Variants in ASIC2 observed in about 807,000 individuals in gnomAD.
ASIC2 encodes acid sensing ion channel subunit 2.
A neutral mutation model predicts 57.3 loss-of-function variants in ASIC2; 25 were observed. That is an observed-to-expected ratio of 0.44 (90% CI 0.32 to 0.61). The LOEUF is 0.61. ASIC2 is among the 20% of genes least tolerant of loss of function. The probability of loss-of-function intolerance (pLI) is 0.06; values close to 1 mark genes in which losing one functional copy is unlikely to be tolerated. For synonymous variants in ASIC2, 319 were observed against 307.5 expected (o/e 1.04, Z -0.39); for missense variants, 641 against 738.1 (o/e 0.87, Z 1.52).
At chr17:33,750,262 T>C (rs1910387139) in intron 1 of ASIC2, among the ~76,000 whole-genome samples, 1 of 152,176 alleles carries the variant, frequency 6.6e-6, no homozygotes, top group Non-Finnish European at 1.5e-5. Flanking sequence ...TCCAGGACCC[T>C]GGGCAACCCC....
chr17:33,219,294 C>A (rs72819154), intron 1 of ASIC2, among the ~76,000 whole-genome samples: 9 of 152,278 alleles, frequency 5.9e-5, no homozygotes, highest in Non-Finnish European at 1.2e-4. Flanking sequence ...AGGCAGCCCC[C>A]CTTGATGCCA....
chr17:33,137,317 A>G (rs1393373905), intron 1 of ASIC2, among the ~76,000 whole-genome samples: 1 of 152,230 alleles, frequency 6.6e-6, no homozygotes, highest in Non-Finnish European at 1.5e-5. Flanking sequence ...TATTATGCCA[A>G]TGTGCATTGT....
chr17:34,118,558 C>A (rs1042532671), intron 1 of ASIC2: 1 of 152,236 alleles, frequency 6.6e-6, no homozygotes, highest in Non-Finnish European at 1.5e-5. Context: ...CCACTATCAG[C>A]AGAATATGCA....
At chr17:33,997,855 T>C (rs1285578442) in intron 1 of ASIC2, among the ~76,000 whole-genome samples, 3 of 152,208 alleles carry the variant, frequency 2.0e-5, no homozygotes, top group African/African-American at 7.2e-5. Flanking sequence ...GTGTTCTTGT[T>C]TGGCTTTGGT....
At chr17:33,562,772 C>G (rs1472106407) in intron 1 of ASIC2, among the ~76,000 whole-genome samples, 1 of 152,158 alleles carries the variant, frequency 6.6e-6, no homozygotes. Flanking sequence ...GCACCAACTA[C>G]TTGGAATGGA....
chr17:33,597,288 T>C (rs1905009864), intron 1 of ASIC2, among the ~76,000 whole-genome samples: 1 of 152,232 alleles, frequency 6.6e-6, no homozygotes, highest in Non-Finnish European at 1.5e-5. Context: ...GATGGCTGGC[T>C]GGAAGAAATG....
chr17:33,659,968 C>T (rs903121770), intron 1 of ASIC2, among the ~76,000 whole-genome samples: 1 of 151,952 alleles, frequency 6.6e-6, no homozygotes, highest in South Asian at 2.1e-4. Context: ...CCTATAGTCC[C>T]AGCTACTCAG....
intron 1 of ASIC2, among the ~76,000 whole-genome samples, chr17:33,691,824 T>C (rs910917605): frequency 2.2e-5 from 3 of 138,516 alleles, no homozygotes; most frequent in African/African-American, 1.0e-4. Flanking sequence ...TATGCATGCA[T>C]GTGTGTGTGT....
At chr17:34,017,804 G>A (rs753851848) in intron 1 of ASIC2, among the ~76,000 whole-genome samples, 6 of 152,202 alleles carry the variant, frequency 3.9e-5, no homozygotes, top group Non-Finnish European at 8.8e-5. Flanking sequence ...AGGTGAGAAA[G>A]CTGCAGAAGT....
At chr17:33,656,484 G>T (rs1751628675) in intron 1 of ASIC2, among the ~76,000 whole-genome samples, 1 of 152,168 alleles carries the variant, frequency 6.6e-6, no homozygotes, top group Non-Finnish European at 1.5e-5. Flanking sequence ...CTCAAAGCAT[G>T]TCTGCCAGGG....
At chr17:33,996,152 T>G (rs73278411) in intron 1 of ASIC2, among the ~76,000 whole-genome samples, 1 of 152,074 alleles carries the variant, frequency 6.6e-6, no homozygotes, top group Non-Finnish European at 1.5e-5. Context: ...ATGTATTCCT[T>G]TGAAAAATGC....
intron 1 of ASIC2, among the ~76,000 whole-genome samples, chr17:33,705,541 CAG>C (rs1354040613): frequency 6.6e-6 from 1 of 152,124 alleles, no homozygotes; most frequent in Non-Finnish European, 1.5e-5. Context: ...GGAAGGCAGA[CAG>C]AGATTTTAAC....
At chr17:33,296,603 T>C (rs923204517), upstream of ASIC2, among the ~76,000 whole-genome samples, 30 of 152,374 alleles carry the variant, frequency 2.0e-4, no homozygotes, top group East Asian at 2.7e-3. Flanking sequence ...TCTGGCATTC[T>C]GTGTGATGTT....
chr17:33,555,721 G>A lies in ASIC2; in HGVS notation c.556-443654C>T, dbSNP rs780208540. 7.2e-5 allele frequency among the ~76,000 whole-genome samples: 11 copies of A among 152,254 alleles called. No homozygotes were observed. The South Asian group carries it at 1.0e-3, about 14-fold the overall frequency. ...ACCTCAGGTGTGAAGATCAGGAACC[G>A]AGATAAGGAAATCCAGGAGGATGTC... On this transcript the variant is annotated intron_variant, in intron 1 of 9. Transcript: ENST00000359872.
At chr17:33,314,759 A>G (rs1328457254) in intron 1 of ASIC2, among the ~76,000 whole-genome samples, 1 of 152,210 alleles carries the variant, frequency 6.6e-6, no homozygotes, top group East Asian at 1.9e-4. Context: ...AGACAAATGG[A>G]AAAGAACGAT....
At chr17:33,021,026 C>T (rs2091833202) in intron 7 of ASIC2, among the ~76,000 whole-genome samples, 193 bp downstream of exon 7, 1 of 152,156 alleles carries the variant, frequency 6.6e-6, no homozygotes, top group South Asian at 2.1e-4. Context: ...TGAAATTCCA[C>T]CCCACTGCTG....
At chr17:33,147,867 C>G (rs1904625501) in intron 1 of ASIC2, among the ~76,000 whole-genome samples, 1 of 152,182 alleles carries the variant, frequency 6.6e-6, no homozygotes, top group Non-Finnish European at 1.5e-5. Flanking sequence ...CAAGTTGGAG[C>G]TGCGTGCTGT....
chr17:33,428,014 G>T (rs745546337), intron 1 of ASIC2, among the ~76,000 whole-genome samples: 5 of 152,140 alleles, frequency 3.3e-5, no homozygotes, highest in Non-Finnish European at 7.3e-5. Context: ...AGTAACTGAG[G>T]TCTCCTAACA....
intron 1 of ASIC2, among the ~76,000 whole-genome samples, chr17:33,843,256 A>G (rs1293257130): frequency 1.3e-5 from 2 of 152,182 alleles, no homozygotes; most frequent in Non-Finnish European, 2.9e-5. Flanking sequence ...TGCCTGGCAT[A>G]TGGTAGGTGG....
Sources: allele counts gnomAD v4.1 joint callset (sites outside exome capture counted in the v4.1 genomes callset), GRCh38; gene constraint gnomAD v4.1.1; transcripts MANE v1.5; gene names NCBI Gene and HGNC (gene_info 2026-07-23, HGNC 2026-07-21).